The following RILPL1 variants were observed in gnomAD, a reference collection of about 807,000 sequenced individuals.
RILPL1 encodes Rab interacting lysosomal protein like 1.
RILPL1 carries 33 observed loss-of-function variants against 50.3 expected under a neutral mutation model. The observed-to-expected ratio is 0.66, with a 90% CI of 0.50 to 0.88. The LOEUF (loss-of-function observed/expected upper bound fraction) is 0.88, where lower values mean the gene tolerates loss of function less well. Among genes scored for constraint, RILPL1 ranks in the 40% least tolerant of loss-of-function variants. RILPL1 has a pLI of 0.00. For synonymous variants in RILPL1, 205 were observed against 228.6 expected, an observed-to-expected ratio of 0.90 and a Z score of 0.93; for missense variants, 418 against 542.5, an observed-to-expected ratio of 0.77 and a Z score of 2.28.
At chr12:123,487,311 T>A (rs1485023537) in intron 4 of RILPL1, among the ~76,000 whole-genome samples, 2 of 148,982 alleles carry the variant, frequency 1.3e-5, no homozygotes, top group African/African-American at 4.9e-5. Flanking sequence ...ACTTCACTCT[T>A]TTTTTTTTTG....
chr12:123,531,412 A>G (rs543196949), intron 1 of RILPL1, among the ~76,000 whole-genome samples: 32 of 152,292 alleles, frequency 2.1e-4, no homozygotes, highest in African/African-American at 7.7e-4. Flanking sequence ...GTTGGGGGAC[A>G]GTATAGGTGC....
chr12:123,495,020 A>G (rs987663983), intron 4 of RILPL1, among the ~76,000 whole-genome samples: 3 of 152,050 alleles, frequency 2.0e-5, no homozygotes, highest in Non-Finnish European at 4.4e-5. Context: ...CTTTTAGTCC[A>G]TGTGGCTTGA....
rs548875983 is a variant in RILPL1, at chr12:123,485,548, A to C, written c.974+85T>G. The C allele has an allele frequency of 2.4e-4, 303 of 1,276,436 alleles. 1 individual carries two copies. Among genetic ancestry groups the C allele is most frequent in the Non-Finnish European group, 3.1e-4 (281 of 910,764 alleles). 79.1% of individuals were successfully genotyped at this position (1,276,436 alleles called of 1,614,324 possible). A position where few individuals can be genotyped will look rare whatever the true frequency, so the allele number is the denominator to read the frequency against. On this transcript the variant is annotated intron_variant, in intron 5 of 6. Coordinates refer to ENST00000376874, the MANE Select transcript of RILPL1 (RefSeq NM_178314.5). The surrounding 1 kb of genome is among the most constrained non-coding windows in gnomAD (Gnocchi z 4.0). ...AACACTGATGAAATGCTTGTCTTCC[A>C]GGGGGTAAGAAGGTAACTGTACAGA...
At chr12:123,529,963 G>A (rs1443275686) in intron 1 of RILPL1, among the ~76,000 whole-genome samples, 1 of 151,964 alleles carries the variant, frequency 6.6e-6, no homozygotes, top group African/African-American at 2.4e-5. Context: ...AGCCACACGT[G>A]GCTGTTGAGC....
intron 1 of RILPL1, 51 bp from the exon 2 acceptor site, chr12:123,523,696 C>T (rs1396001978): frequency 6.3e-7 from 1 of 1,579,464 alleles, no homozygotes; most frequent in Non-Finnish European, 8.6e-7. Flanking sequence ...AGAGCAGCCG[C>T]CCCACCCACT....
chr12:123,497,836 A>C (rs1475182636), intron 4 of RILPL1, among the ~76,000 whole-genome samples: 1 of 152,172 alleles, frequency 6.6e-6, no homozygotes, highest in East Asian at 1.9e-4. Context: ...TTACAAGTGC[A>C]GGTGACCACA....
Position 123,533,197 on chromosome 12 carries a change from C to G in RILPL1, c.286G>C (p.Glu96Gln). 6.4e-7 allele frequency: 1 copy of G among 1,572,260 alleles called. No individual in the cohort carries two copies. Among genetic ancestry groups the G allele is most frequent in the Non-Finnish European group, 8.6e-7 (1 of 1,163,664 alleles). The change falls in exon 1 of 7, where the codon GAG (glutamate) becomes CAG (glutamine). Residue 96 changes from glutamate (E) to glutamine (Q), a missense_variant. Transcript: ENST00000376874. The surrounding 1 kb of genome is among the most constrained non-coding windows in gnomAD (Gnocchi z 6.2). ...ACCTTCTGGTGCTTGCGCTCCTTCT[C>G]GATGCGGTCCATCCTCTCCAGGCGC... ...RLRLERMDRIEKERKHQKELE... is the reference protein window; with the variant it reads ...RLRLERMDRIQKERKHQKELE...
chr12:123,515,709 CAA>C (rs1254193305), intron 2 of RILPL1, among the ~76,000 whole-genome samples: 1 of 151,330 alleles, frequency 6.6e-6, no homozygotes, highest in Non-Finnish European at 1.5e-5. Context: ...CTCAGCCTCC[CAA>C]AGTGTTGGGA....
At chr12:123,495,677 G>GTTTTT (rs33979230) in intron 4 of RILPL1, among the ~76,000 whole-genome samples, 1 of 103,398 alleles carries the variant, frequency 9.7e-6, no homozygotes, top group Non-Finnish European at 1.9e-5. Flanking sequence ...CCTGGCCCCA[G>GTTTTT]TTTTTTTTTT....
chr12:123,489,349 C>T lies in RILPL1; in HGVS notation c.802-3544G>A, dbSNP rs141875728. Among the ~76,000 whole-genome samples, 4 of 152,066 alleles carry T rather than the reference C, an allele frequency of 2.6e-5. No individual in the cohort carries two copies. The highest frequency in any genetic ancestry group is 2.0e-4 in the Admixed American group (3 of 15,256). The stretch of plus-strand genomic sequence containing the variant: ...CCAGCCTGGACAACATGGTGAAACG[C>T]TATCTCTACTGAAAATACAAAAATT... On this transcript the variant is annotated intron_variant, in intron 4 of 6. Transcript: ENST00000376874. This position sits in a 1 kb window ranked among gnomAD's most constrained non-coding sequence, Gnocchi z 4.0.
chr12:123,480,798 G>C (rs1293668966), intron 6 of RILPL1, among the ~76,000 whole-genome samples: 2 of 152,116 alleles, frequency 1.3e-5, no homozygotes, highest in Admixed American at 6.6e-5. Flanking sequence ...AGGCTACCGT[G>C]GGCACCCCGT....
chr12:123,523,993 AC>A (rs1342968859), intron 1 of RILPL1, among the ~76,000 whole-genome samples: 2 of 152,158 alleles, frequency 1.3e-5, no homozygotes, highest in African/African-American at 2.4e-5. Context: ...TGGGGGGCAC[AC>A]CCCCTGATCT....
intron 4 of RILPL1, among the ~76,000 whole-genome samples, chr12:123,493,782 C>T (rs1882846408): frequency 7.1e-6 from 1 of 141,536 alleles, no homozygotes; most frequent in Admixed American, 7.4e-5. Flanking sequence ...GAGGCCCTGC[C>T]TCTTTTTTTT....
At chr12:123,477,437 CA>C (rs1012461818) in intron 6 of RILPL1, among the ~76,000 whole-genome samples, 3 of 148,482 alleles carry the variant, frequency 2.0e-5, no homozygotes, top group East Asian at 2.0e-4. Flanking sequence ...CTCCTGGGTT[CA>C]AGTGATTCTC....
At chr12:123,512,298 GGAGGTC>G (rs1227552826) in intron 2 of RILPL1, among the ~76,000 whole-genome samples, 4 of 946 alleles carry the variant, frequency 4.2e-3, no homozygotes, top group East Asian at 0.077. Flanking sequence ...AGGTCTGTGT[GGAGGTC>G]TGTGTGTGGT....
intron 2 of RILPL1, among the ~76,000 whole-genome samples, chr12:123,513,147 T>A (rs1453573417): frequency 6.7e-6 from 1 of 150,318 alleles, no homozygotes; most frequent in African/African-American, 2.4e-5. Flanking sequence ...TCCGTGTGTG[T>A]GTGGTGTGAG....
At chr12:123,478,675 C>T (rs1007216831) in intron 6 of RILPL1, among the ~76,000 whole-genome samples, 2 of 152,196 alleles carry the variant, frequency 1.3e-5, no homozygotes, top group African/African-American at 4.8e-5. Flanking sequence ...CCTTTCCAGT[C>T]CTCGAGGCCA....
intron 2 of RILPL1, among the ~76,000 whole-genome samples, chr12:123,505,747 G>A (rs1021554462): frequency 6.6e-6 from 1 of 152,130 alleles, no homozygotes; most frequent in Admixed American, 6.5e-5. Flanking sequence ...CTCAGCCTCT[G>A]AGTAGCTGGG....
At chr12:123,527,467 T>C (rs1885301585) in intron 1 of RILPL1, among the ~76,000 whole-genome samples, 1 of 152,022 alleles carries the variant, frequency 6.6e-6, no homozygotes, top group South Asian at 2.1e-4. Context: ...AGCAAAACTC[T>C]GTCTACTAAA....
Sources: allele counts gnomAD v4.1 joint callset (sites outside exome capture counted in the v4.1 genomes callset), GRCh38; gene constraint gnomAD v4.1.1; non-coding constraint Gnocchi (gnomAD v3.1); transcripts MANE v1.5; gene names NCBI Gene and HGNC (gene_info 2026-07-23, HGNC 2026-07-21).